The following RELL1 variants were observed in gnomAD, a reference collection of about 807,000 sequenced individuals.
RELL1 encodes RELT-like protein 1.
A neutral mutation model predicts 23.0 loss-of-function variants in RELL1; 10 were observed. The observed-to-expected ratio is 0.43, with a 90% CI of 0.27 to 0.74. The LOEUF (loss-of-function observed/expected upper bound fraction) is 0.74. RELL1 is among the 30% of genes least tolerant of loss of function. The pLI is 0.19. For missense variants in RELL1, 315 were observed against 364.4 expected (o/e 0.86, Z 1.10); for synonymous variants, 146 against 146.8 (o/e 0.99, Z 0.04).
intron 5 of RELL1, among the ~76,000 whole-genome samples, chr4:37,634,629 A>G (rs1720256850): frequency 6.6e-6 from 1 of 152,244 alleles, no homozygotes; most frequent in Non-Finnish European, 1.5e-5. Context: ...TATACAGTTG[A>G]AAATCTGGGC....
chr4:37,657,493 C>T (rs927957797), intron 1 of RELL1, among the ~76,000 whole-genome samples: 10 of 152,156 alleles, frequency 6.6e-5, no homozygotes, highest in Admixed American at 1.3e-4. Flanking sequence ...AGAGACAGAG[C>T]GGGAGTATGA....
rs1393010112 is a variant in RELL1, at chr4:37,612,338, ACAAAAAAAAAC to A, written c.*997_*1007del. On this transcript the variant is annotated 3_prime_UTR_variant, in exon 7 of 7. Coordinates refer to ENST00000454158, the MANE Select transcript of RELL1 (RefSeq NM_001085400.2). The stretch of plus-strand genomic sequence containing the variant: ...GCTAAAGGTTAAAAAAAAAAAAAAA[ACAAAAAAAAAC>A]AAAAAACCGGGTGCAGTGGCCCACG... 7.7e-4 allele frequency among the ~76,000 whole-genome samples: 35 copies of A among 45,688 alleles called. No homozygotes were observed. Among genetic ancestry groups the A allele is most frequent in the East Asian group, 2.8e-3 (3 of 1,060 alleles). The allele number at this position is 45,688 out of a possible 152,430, so 30.0% of individuals were successfully genotyped here.
intron 1 of RELL1, among the ~76,000 whole-genome samples, chr4:37,681,811 G>A (rs561799885): frequency 1.5e-4 from 23 of 152,034 alleles, no homozygotes; most frequent in Non-Finnish European, 2.4e-4. Context: ...ACAGGCGTGA[G>A]CCACTGCACC....
chr4:37,615,519 C>G (rs1473242328), intron 6 of RELL1, among the ~76,000 whole-genome samples: 1 of 152,130 alleles, frequency 6.6e-6, no homozygotes, highest in African/African-American at 2.4e-5. Context: ...TGGGTGGGCA[C>G]AGAGACACCA....
At chr4:37,649,171 C>T (rs986871640) in intron 2 of RELL1, 105 bp downstream of exon 2, 16 of 957,812 alleles carry the variant, frequency 1.7e-5, no homozygotes, top group Non-Finnish European at 2.1e-5. Context: ...CCACCTGCCA[C>T]TAAAATGGAT....
chr4:37,686,035 G>A (rs1162003091), intron 1 of RELL1, among the ~76,000 whole-genome samples, 165 bp downstream of exon 1: 1 of 152,182 alleles, frequency 6.6e-6, no homozygotes, highest in Non-Finnish European at 1.5e-5. Flanking sequence ...CACGCACCGC[G>A]CCCTGCCCGG....
chr4:37,675,635 C>T (rs1486156027), intron 1 of RELL1, among the ~76,000 whole-genome samples: 1 of 152,192 alleles, frequency 6.6e-6, no homozygotes, highest in Non-Finnish European at 1.5e-5. Context: ...TATCCATAGA[C>T]TTGTGGACAG....
chr4:37,675,246 T>C (rs1039423093), intron 1 of RELL1, among the ~76,000 whole-genome samples: 1 of 152,214 alleles, frequency 6.6e-6, no homozygotes, highest in African/African-American at 2.4e-5. Context: ...CAAAAACAAA[T>C]TAAATATAAA....
rs367789744 is a variant in RELL1 at position 37,676,846 on chromosome 4, C to T, written c.88+9354G>A. ...ATTCTAACTCTGGCTTCCTTCCTTCCCTCATTTAAATATTTAAATATTTAC... is the reference window on the plus strand; with the variant it reads ...ATTCTAACTCTGGCTTCCTTCCTTCTCTCATTTAAATATTTAAATATTTAC... On this transcript the variant is annotated intron_variant, in intron 1 of 6. Coordinates refer to ENST00000454158, the MANE Select transcript of RELL1 (RefSeq NM_001085400.2). Among the ~76,000 whole-genome samples, 37 of 152,182 alleles carry T rather than the reference C, an allele frequency of 2.4e-4. 1 individual carries two copies. In the East Asian group the frequency reaches 4.8e-3, roughly 20 times the overall value.
At chr4:37,662,763 C>T (rs1236784756) in intron 1 of RELL1, among the ~76,000 whole-genome samples, 1 of 151,858 alleles carries the variant, frequency 6.6e-6, no homozygotes, top group Non-Finnish European at 1.5e-5. Context: ...CTACAGCCAC[C>T]CCCATCCCCC....
intron 1 of RELL1, among the ~76,000 whole-genome samples, chr4:37,684,349 C>CAA (rs372907719): frequency 0.017 from 2,404 of 137,768 alleles, 59 homozygotes; most frequent in African/African-American, 0.059. Context: ...TAATTTTCAT[C>CAA]AAAAAAAAAA....
intron 1 of RELL1, among the ~76,000 whole-genome samples, chr4:37,654,751 CTATT>C (rs776753195): frequency 2.6e-5 from 4 of 152,216 alleles, no homozygotes; most frequent in Middle Eastern, 3.4e-3. Flanking sequence ...ATAATATGCA[CTATT>C]TAAAGATCTA....
At chr4:37,651,265 AC>A (rs1720928107) in intron 1 of RELL1, among the ~76,000 whole-genome samples, 1 of 152,094 alleles carries the variant, frequency 6.6e-6, no homozygotes, top group Non-Finnish European at 1.5e-5. Flanking sequence ...GGAAGAACAT[AC>A]CGTGTAGCAA....
intron 6 of RELL1, among the ~76,000 whole-genome samples, chr4:37,630,477 G>A (rs886806825): frequency 2.1e-5 from 3 of 145,640 alleles, no homozygotes; most frequent in Non-Finnish European, 3.0e-5. Flanking sequence ...CCATTCTCCT[G>A]CCTCAGCCTC....
At chr4:37,605,759 T>TAAAG (rs145732346), downstream of RELL1, among the ~76,000 whole-genome samples, 22,623 of 61,362 alleles carry the variant, frequency 0.37, 3,843 homozygotes, top group African/African-American at 0.5. Flanking sequence ...AGAAAAAGAA[T>TAAAG]AAAGAAAGAG....
downstream of RELL1, among the ~76,000 whole-genome samples, chr4:37,607,771 G>A (rs1719268277): frequency 6.6e-6 from 1 of 151,628 alleles, no homozygotes; most frequent in Non-Finnish European, 1.5e-5. Flanking sequence ...TTGTATGTTA[G>A]TAAAGACAAG....
rs1181548349 is a variant in RELL1, at chr4:37,649,345, T to C, written c.244A>G (p.Lys82Glu). 6.2e-6 allele frequency: 10 copies of C among 1,614,118 alleles called. No homozygotes were observed. In the African/African-American group the frequency reaches 1.3e-4, roughly 22 times the overall value. Reference sequence around the variant, plus strand: ...GTTGTACAACGATAGCCTTTCTTCTTAAGCAGGTGGCAAATGAGGACGCCA... The same window carrying C: ...GTTGTACAACGATAGCCTTTCTTCTCAAGCAGGTGGCAAATGAGGACGCCA... ...LFGVLICHLL[K>E]KKGYRCTTEA... The change falls in exon 2 of 7, where the codon AAG becomes GAG. Residue 82 changes from lysine to glutamate, a missense_variant. Physicochemically the swap from Lys to Glu is moderately conservative, Grantham distance 56 (BLOSUM62 1). Transcript: ENST00000454158.
At chr4:37,602,667 G>C (rs938733721) in intron 6 of RELL1, among the ~76,000 whole-genome samples, 1 of 152,094 alleles carries the variant, frequency 6.6e-6, no homozygotes, top group Non-Finnish European at 1.5e-5. Context: ...AGAAGACAGA[G>C]GATTTGCAGG....
At chr4:37,607,259 G>A (rs1719251725), downstream of RELL1, among the ~76,000 whole-genome samples, 1 of 152,144 alleles carries the variant, frequency 6.6e-6, no homozygotes, top group African/African-American at 2.4e-5. Context: ...AGAACGTTGT[G>A]GTTTAATGAA....
Sources: gnomAD v4.1 joint callset for allele counts (sites outside exome capture counted in the v4.1 genomes callset) on GRCh38, gnomAD v4.1.1 for gene constraint, MANE v1.5 for transcripts, NCBI Gene and HGNC (gene_info 2026-07-23, HGNC 2026-07-21) for gene names.